The following SPAG16 variants were observed in gnomAD, a reference collection of about 807,000 sequenced individuals.
The protein encoded by SPAG16 is sperm-associated antigen 16 protein.
A neutral mutation model predicts 80.4 loss-of-function variants in SPAG16; 86 were observed. The observed-to-expected ratio is 1.07, with a 90% CI of 0.90 to 1.28. SPAG16 has a LOEUF of 1.28. SPAG16 is among the 50% of genes most tolerant of loss of function. The probability of loss-of-function intolerance (pLI) is 0.00; values close to 1 mark genes in which losing one functional copy is unlikely to be tolerated. For synonymous variants in SPAG16, 294 were observed against 265.9 expected (o/e 1.11, Z -1.03); for missense variants, 870 against 765.3 (o/e 1.14, Z -1.61).
intron 10 of SPAG16, among the ~76,000 whole-genome samples, chr2:213,634,215 T>A (rs532109393): frequency 6.6e-6 from 1 of 152,262 alleles, no homozygotes; most frequent in East Asian, 1.9e-4. Context: ...CCCTGAGGCT[T>A]GCAAATACTA....
At chr2:214,026,878 A>C (rs2048158015) in intron 13 of SPAG16, among the ~76,000 whole-genome samples, 1 of 151,518 alleles carries the variant, frequency 6.6e-6, no homozygotes, top group African/African-American at 2.4e-5. Flanking sequence ...TCTTCTTGAG[A>C]CTTCTTCAGT....
At chr2:213,799,064 T>A (rs920086206) in intron 10 of SPAG16, among the ~76,000 whole-genome samples, 15 of 152,302 alleles carry the variant, frequency 9.8e-5, no homozygotes, top group Admixed American at 9.2e-4. Flanking sequence ...ATCTTTGTAT[T>A]TATGTAGACA....
chr2:213,705,284 AAGGGAGGG>A (rs1198975496), intron 10 of SPAG16, among the ~76,000 whole-genome samples: 1 of 148,574 alleles, frequency 6.7e-6, no homozygotes, highest in Non-Finnish European at 1.5e-5. Flanking sequence ...GGGAGGGAGG[AAGGGAGGG>A]AGGGAGGAAG....
At chr2:213,613,106 A>G (rs1466769897) in intron 10 of SPAG16, among the ~76,000 whole-genome samples, 1 of 152,088 alleles carries the variant, frequency 6.6e-6, no homozygotes, top group Non-Finnish European at 1.5e-5. Flanking sequence ...CACCATTTTC[A>G]TTTTTAACCA....
At position 214,378,902 on chromosome 2, in the gene SPAG16, G is replaced by C. The variant is rs867814524; in HGVS notation, c.1721-31238G>C. On this transcript the variant is annotated intron_variant, in intron 15 of 15. Transcript: ENST00000331683. Reference sequence around the variant, plus strand: ...TATAAGGACAGTTGTATAATGGAAGGAGCAGCAGCAGTTAGTAAAACCTCA... The same window carrying C: ...TATAAGGACAGTTGTATAATGGAAGCAGCAGCAGCAGTTAGTAAAACCTCA... Among the ~76,000 whole-genome samples the C allele has an allele frequency of 8.5e-5, 13 of 152,264 alleles. No homozygotes were observed. In the Middle Eastern group the frequency reaches 0.014, roughly 159 times the overall value.
intron 13 of SPAG16, among the ~76,000 whole-genome samples, chr2:214,101,857 GTAA>G (rs1559794275): frequency 2.0e-5 from 3 of 152,132 alleles, no homozygotes; most frequent in Non-Finnish European, 4.4e-5. Context: ...CTTTAGGTAT[GTAA>G]TAAACACTTG....
chr2:214,314,910 A>C lies in SPAG16; in HGVS notation c.1721-95230A>C, dbSNP rs151239061. Among the ~76,000 whole-genome samples the C allele has an allele frequency of 6.4e-3, 969 of 152,206 alleles. 13 individuals are homozygous for C. The highest frequency in any genetic ancestry group is 0.022 in the African/African-American group (929 of 41,520). On this transcript the variant is annotated intron_variant, in intron 15 of 15. Transcript: ENST00000331683. ...GTTGAAGCAAGAAAGTAGCTACTGC[A>C]TTCAGCCTGATGGGTAGTGGAGAAG... is the stretch of plus-strand genomic sequence containing the variant.
chr2:214,238,150 C>G (rs188180133), intron 15 of SPAG16: 1 of 422,096 alleles, frequency 2.4e-6, no homozygotes, highest in East Asian at 7.4e-5. Context: ...TACCACGTAT[C>G]TTTATAGACT....
chr2:213,972,001 A>G (rs2106382648), intron 12 of SPAG16, among the ~76,000 whole-genome samples: 1 of 151,738 alleles, frequency 6.6e-6, no homozygotes, highest in East Asian at 1.9e-4. Context: ...GGCATATAAG[A>G]TATTTTGATA....
chr2:213,871,879 C>CACACAG (rs1300862413), intron 11 of SPAG16, among the ~76,000 whole-genome samples: 1 of 35,294 alleles, frequency 2.8e-5, no homozygotes, highest in African/African-American at 8.7e-5. Flanking sequence ...CACACACACA[C>CACACAG]AGAGAGAGAG....
chr2:214,297,687 T>G (rs1351440409), intron 15 of SPAG16, among the ~76,000 whole-genome samples: 1 of 152,154 alleles, frequency 6.6e-6, no homozygotes, highest in African/African-American at 2.4e-5. Flanking sequence ...TTCTGTTTAA[T>G]AGATCTGTGT....
At chr2:213,857,715 C>T (rs2075237378) in intron 10 of SPAG16, among the ~76,000 whole-genome samples, 1 of 152,194 alleles carries the variant, frequency 6.6e-6, no homozygotes, top group African/African-American at 2.4e-5. Flanking sequence ...TTTCAACTTT[C>T]AATTCTTATT....
chr2:214,272,578 G>T (rs2125896084), intron 15 of SPAG16, among the ~76,000 whole-genome samples: 1 of 152,262 alleles, frequency 6.6e-6, no homozygotes, highest in African/African-American at 2.4e-5. Context: ...TGCTGAGAAT[G>T]ATGGTTTCCA....
intron 13 of SPAG16, among the ~76,000 whole-genome samples, chr2:214,042,034 A>G (rs1372755037): frequency 1.4e-5 from 2 of 145,822 alleles, no homozygotes; most frequent in African/African-American, 2.5e-5. Flanking sequence ...ATATACACAA[A>G]CATGTAATAA....
intron 10 of SPAG16, among the ~76,000 whole-genome samples, chr2:213,655,630 C>G (rs753656406): frequency 2.6e-5 from 4 of 152,124 alleles, no homozygotes; most frequent in Non-Finnish European, 5.9e-5. Flanking sequence ...AATATTGTTT[C>G]TTTGATCCTG....
chr2:213,548,430 C>T (rs1185086960), intron 10 of SPAG16, among the ~76,000 whole-genome samples: 2 of 152,096 alleles, frequency 1.3e-5, no homozygotes, highest in Non-Finnish European at 2.9e-5. Context: ...CCAGGATAGT[C>T]TCAGTATCTT....
chr2:213,936,714 T>C (rs1315600180), intron 12 of SPAG16, among the ~76,000 whole-genome samples: 1 of 152,202 alleles, frequency 6.6e-6, no homozygotes, highest in Non-Finnish European at 1.5e-5. Flanking sequence ...GGGACACTAA[T>C]ATAAACATTA....
intron 15 of SPAG16, among the ~76,000 whole-genome samples, chr2:214,257,246 ACTTT>A (rs1331326653): frequency 6.6e-6 from 1 of 151,978 alleles, no homozygotes; most frequent in Non-Finnish European, 1.5e-5. Context: ...ATACCCTGTG[ACTTT>A]GGTCGTTTCA....
intron 10 of SPAG16, among the ~76,000 whole-genome samples, chr2:213,718,454 T>C (rs572943709): frequency 2.0e-5 from 3 of 152,278 alleles, no homozygotes; most frequent in African/African-American, 7.2e-5. Flanking sequence ...TGGCCAAGGC[T>C]GGAGCCCACT....
Sources: gnomAD v4.1 joint callset for allele counts (sites outside exome capture counted in the v4.1 genomes callset) on GRCh38, gnomAD v4.1.1 for gene constraint, MANE v1.5 for transcripts, NCBI Gene and HGNC (gene_info 2026-07-23, HGNC 2026-07-21) for gene names.